Variants in SNTG2 observed in about 807,000 individuals in gnomAD.
SNTG2 encodes gamma-2-syntrophin.
SNTG2 carries 74 observed loss-of-function variants against 70.9 expected under a neutral mutation model. That is an observed-to-expected ratio of 1.04 (90% CI 0.86 to 1.27). The LOEUF (loss-of-function observed/expected upper bound fraction) is 1.27, where lower values mean the gene tolerates loss of function less well. Among genes scored for constraint, SNTG2 ranks in the 50% most tolerant of loss-of-function variants. SNTG2 has a pLI of 0.00. For synonymous variants in SNTG2, 278 were observed against 273.8 expected, an observed-to-expected ratio of 1.02 and a Z score of -0.15; for missense variants, 717 against 690.7, an observed-to-expected ratio of 1.04 and a Z score of -0.43.
intron 4 of SNTG2, among the ~76,000 whole-genome samples, chr2:1,115,100 G>A (rs146870929): frequency 6.6e-6 from 1 of 152,158 alleles, no homozygotes; most frequent in Non-Finnish European, 1.5e-5. Context: ...ACAGTCCTTT[G>A]AGGAGGATCT....
chr2:1,187,543 C>T (rs1343505464), intron 8 of SNTG2, among the ~76,000 whole-genome samples: 1 of 152,072 alleles, frequency 6.6e-6, no homozygotes, highest in African/African-American at 2.4e-5. Flanking sequence ...ATAAAGCAGT[C>T]CCTTAAAATA....
chr2:1,366,472 G>A (rs1661490107), intron 16 of SNTG2, among the ~76,000 whole-genome samples: 1 of 152,170 alleles, frequency 6.6e-6, no homozygotes, highest in Non-Finnish European at 1.5e-5. Context: ...TGAACCTTTT[G>A]TGGGTCATTT....
chr2:975,376 C>T (rs1660877171), intron 1 of SNTG2, among the ~76,000 whole-genome samples: 1 of 152,198 alleles, frequency 6.6e-6, no homozygotes, highest in Non-Finnish European at 1.5e-5. Flanking sequence ...GAGCAAACAA[C>T]ACGTGCTTGC....
At chr2:992,933 A>G (rs1274137270) in intron 1 of SNTG2, among the ~76,000 whole-genome samples, 1 of 152,044 alleles carries the variant, frequency 6.6e-6, no homozygotes, top group Non-Finnish European at 1.5e-5. Flanking sequence ...ATAAAACCCC[A>G]TGTCCATTAA....
In SNTG2 at chr2:1,294,905, A is replaced by G. The variant is rs73908822; in HGVS notation, c.1285-13589A>G. On this transcript the variant is annotated intron_variant, in intron 14 of 16. Transcript: ENST00000308624. ...AAACCACTCGCTAACATAACACTCT[A>G]CAGTTTACAGCCCAGGCACCCAGAG... 3.8e-3 allele frequency among the ~76,000 whole-genome samples: 584 copies of G among 152,342 alleles called. 3 individuals are homozygous for G. The highest frequency in any genetic ancestry group is 0.014 in the African/African-American group (568 of 41,582).
chr2:1,098,523 C>T (rs967470019), intron 4 of SNTG2, 113 bp downstream of exon 4: 18 of 1,133,644 alleles, frequency 1.6e-5, no homozygotes, highest in South Asian at 8.0e-5. Flanking sequence ...CCTAAACTTC[C>T]GTTTTATTTT....
chr2:1,158,414 T>C (rs28492884), intron 6 of SNTG2: 116,356 of 152,180 alleles, frequency 0.76, 45,571 homozygotes, highest in Non-Finnish European at 0.86. Flanking sequence ...CCATTTCTGG[T>C]GGGGGAGGAG....
intron 1 of SNTG2, among the ~76,000 whole-genome samples, chr2:1,064,207 T>G (rs1338097842): frequency 2.0e-5 from 3 of 151,984 alleles, no homozygotes; most frequent in Non-Finnish European, 2.9e-5. Flanking sequence ...ACAATGAACG[T>G]GTATTAGAGA....
intron 14 of SNTG2, among the ~76,000 whole-genome samples, chr2:1,271,874 C>T (rs1428935517): frequency 1.3e-5 from 2 of 152,104 alleles, no homozygotes; most frequent in African/African-American, 4.8e-5. Flanking sequence ...ATTGGCTTCT[C>T]ATCAAGGGAA....
At chr2:1,319,250 C>T (rs935475106) in intron 16 of SNTG2, among the ~76,000 whole-genome samples, 6 of 152,124 alleles carry the variant, frequency 3.9e-5, no homozygotes, top group African/African-American at 1.2e-4. Flanking sequence ...CTATTTCCAT[C>T]GTGGGTTGGT....
At chr2:969,310 T>A (rs995256822) in intron 1 of SNTG2, among the ~76,000 whole-genome samples, 5 of 152,248 alleles carry the variant, frequency 3.3e-5, no homozygotes, top group African/African-American at 1.2e-4. Context: ...TGCCTCCAGC[T>A]TTGTTCCTTT....
At position 1,026,197 on chromosome 2, in the gene SNTG2, C is replaced by A. The variant is rs1210296957; in HGVS notation, c.73-57321C>A. ...GTTGTTGATTTTCCCAGTGCTCCAA[C>A]ACCAGATGCAGACACGTGTCTTTTA... On this transcript the variant is annotated intron_variant, in intron 1 of 16. Transcript: ENST00000308624. 4.6e-5 allele frequency among the ~76,000 whole-genome samples: 7 copies of A among 152,264 alleles called. No homozygotes were observed. The East Asian group carries it at 1.4e-3, about 29-fold the overall frequency.
chr2:1,180,323 C>T (rs1671788808), intron 8 of SNTG2, among the ~76,000 whole-genome samples: 1 of 135,830 alleles, frequency 7.4e-6, no homozygotes, highest in South Asian at 2.5e-4. Flanking sequence ...ACTCATCTGA[C>T]AAAAGGCTAA....
intron 11 of SNTG2, 47 bp from the exon 12 acceptor site, chr2:1,247,280 A>T (rs1486372314): frequency 8.6e-7 from 1 of 1,167,218 alleles, no homozygotes; most frequent in Non-Finnish European, 1.3e-6. Flanking sequence ...CTGCTGTGAC[A>T]GTATGCCCTC....
chr2:1,065,111 G>C (rs1189317421), intron 1 of SNTG2, among the ~76,000 whole-genome samples: 2 of 152,162 alleles, frequency 1.3e-5, no homozygotes, highest in African/African-American at 4.8e-5. Context: ...TGTAGCTGGA[G>C]CCACACAGCC....
At position 1,222,105 on chromosome 2, in the gene SNTG2, GTC is replaced by G. The variant is rs1553362291; in HGVS notation, c.719+12883_719+12884del. 2.5e-4 allele frequency among the ~76,000 whole-genome samples: 7 copies of G among 27,604 alleles called. 2 individuals carry two copies. The highest frequency in any genetic ancestry group is 4.8e-4 in the African/African-American group (2 of 4,194). The allele number at this position is 27,604 out of a possible 152,430, so 18.1% of individuals were successfully genotyped here. A position where few individuals can be genotyped will look rare whatever the true frequency, so the allele number is the denominator to read the frequency against. On this transcript the variant is annotated intron_variant, in intron 9 of 16. Coordinates refer to ENST00000308624, the MANE Select transcript of SNTG2 (RefSeq NM_018968.4). The stretch of plus-strand genomic sequence containing the variant: ...TCTCTGTCTCTCTCTGTCTCTCTCT[GTC>G]TCTCTCTGTCTCTCTCTGTCTCTCT...
chr2:1,254,714 A>G (rs1677947583), intron 12 of SNTG2, among the ~76,000 whole-genome samples: 1 of 152,236 alleles, frequency 6.6e-6, no homozygotes, highest in South Asian at 2.1e-4. Context: ...TTTCAAGCCA[A>G]GTGTGGCCAG....
At chr2:1,289,805 C>T (rs1350868693) in intron 14 of SNTG2, among the ~76,000 whole-genome samples, 3 of 152,180 alleles carry the variant, frequency 2.0e-5, no homozygotes, top group African/African-American at 7.2e-5. Flanking sequence ...GCTCCAACCC[C>T]AGCCCATGGT....
rs1660698933 is a variant in SNTG2, at chr2:1,353,667, C to A, written c.1489-13676C>A. ...TCTCTTCAATGCTGATTGACTTCAC[C>A]TTTGCCCCCTTTCCCATAGGGCCAT... is the stretch of plus-strand genomic sequence containing the variant. On this transcript the variant is annotated intron_variant, in intron 16 of 16. Coordinates refer to ENST00000308624, the MANE Select transcript of SNTG2 (RefSeq NM_018968.4). This position sits in a 1 kb window ranked among gnomAD's most constrained non-coding sequence, Gnocchi z 4.2. The A allele has an allele frequency of 6.6e-6, 1 of 152,292 alleles. No homozygotes were observed. Among genetic ancestry groups the A allele is most frequent in the African/African-American group, 2.4e-5 (1 of 41,554 alleles). The allele number at this position is 152,292 out of a possible 1,614,324, so 9.4% of individuals were successfully genotyped here.
Sources: gnomAD v4.1 joint callset for allele counts (sites outside exome capture counted in the v4.1 genomes callset) on GRCh38, gnomAD v4.1.1 for gene constraint, Gnocchi (gnomAD v3.1) non-coding constraint, MANE v1.5 for transcripts, NCBI Gene and HGNC (gene_info 2026-07-23, HGNC 2026-07-21) for gene names.